WWOX: variants seen among roughly 807,000 people sequenced by gnomAD.
WWOX encodes the protein WW domain-containing oxidoreductase.
A neutral mutation model predicts 46.2 loss-of-function variants in WWOX; 69 were observed. The ratio of observed to expected loss-of-function variants is 1.49; its 90% CI spans 1.23 to 1.82. WWOX has a LOEUF of 1.82. WWOX is among the 40% of genes most tolerant of loss of function. WWOX has a pLI of 0.00. For missense variants in WWOX, 919 were observed against 542.6 expected (o/e 1.69, Z -6.89); for synonymous variants, 359 against 202.6 (o/e 1.77, Z -6.56).
At chr16:78,789,819 C>T (rs925049566) in intron 8 of WWOX, among the ~76,000 whole-genome samples, 1 of 152,128 alleles carries the variant, frequency 6.6e-6, no homozygotes, top group South Asian at 2.1e-4. Flanking sequence ...CCCCCTCCAG[C>T]TGTAGGGGAT....
At chr16:78,479,294 C>T (rs2667557) in intron 8 of WWOX, among the ~76,000 whole-genome samples, 25,228 of 152,134 alleles carry the variant, frequency 0.17, 2,188 homozygotes, top group African/African-American at 0.2. Context: ...TCAGTCAAGC[C>T]TTCCAGGATC....
chr16:78,213,597 G>A (rs762478249), intron 5 of WWOX, among the ~76,000 whole-genome samples: 3 of 151,764 alleles, frequency 2.0e-5, no homozygotes, highest in African/African-American at 7.3e-5. Context: ...GGATTTTTGT[G>A]GGGGAGAGGG....
At chr16:78,636,798 G>C (rs539499064) in intron 8 of WWOX, among the ~76,000 whole-genome samples, 1 of 152,240 alleles carries the variant, frequency 6.6e-6, no homozygotes, top group South Asian at 2.1e-4. Context: ...GAGGCAAGAG[G>C]CATTCAACCT....
intron 8 of WWOX, among the ~76,000 whole-genome samples, chr16:78,703,056 T>C (rs1046006692): frequency 1.3e-5 from 2 of 152,124 alleles, no homozygotes; most frequent in African/African-American, 4.8e-5. Flanking sequence ...CTTGTTGGGA[T>C]CAGAGAAGGC....
intron 8 of WWOX, among the ~76,000 whole-genome samples, chr16:78,746,772 T>C (rs2049357293): frequency 6.6e-6 from 1 of 152,076 alleles, no homozygotes; most frequent in African/African-American, 2.4e-5. Flanking sequence ...CCTGGAGCCA[T>C]TTTCAGCAAA....
At chr16:79,041,386 T>A (rs898426761) in intron 8 of WWOX, among the ~76,000 whole-genome samples, 2 of 152,112 alleles carry the variant, frequency 1.3e-5, no homozygotes, top group South Asian at 2.1e-4. Context: ...TTCCCTGATA[T>A]AAGGATTCCA....
At chr16:79,099,200 C>A (rs1056836445) in intron 8 of WWOX, among the ~76,000 whole-genome samples, 3 of 152,102 alleles carry the variant, frequency 2.0e-5, no homozygotes, top group African/African-American at 7.3e-5. Flanking sequence ...ATGAGGGATC[C>A]GTCCCCATGA....
chr16:78,569,395 T>A (rs959387284), intron 8 of WWOX, among the ~76,000 whole-genome samples: 15 of 152,278 alleles, frequency 9.9e-5, no homozygotes, highest in African/African-American at 3.6e-4. Flanking sequence ...GACATTCACC[T>A]GTATTATACA....
chr16:78,814,988 C>T (rs867781543), intron 8 of WWOX, among the ~76,000 whole-genome samples: 2 of 152,154 alleles, frequency 1.3e-5, no homozygotes, highest in African/African-American at 4.8e-5. Context: ...AATTTTCAGG[C>T]TTGCTCCCTG....
intron 8 of WWOX, among the ~76,000 whole-genome samples, chr16:78,647,634 C>T (rs2046874971): frequency 6.6e-6 from 1 of 152,180 alleles, no homozygotes; most frequent in African/African-American, 2.4e-5. Flanking sequence ...TTCCTGAGGG[C>T]ATACTGAGTG....
intron 8 of WWOX, among the ~76,000 whole-genome samples, chr16:79,105,653 T>A (rs534174240): frequency 6.6e-6 from 1 of 151,774 alleles, no homozygotes; most frequent in Admixed American, 6.6e-5. Context: ...ACTGTGAATG[T>A]CTTTTTGTTT....
At chr16:78,614,448 G>T (rs1597349895) in intron 8 of WWOX, among the ~76,000 whole-genome samples, 2 of 152,312 alleles carry the variant, frequency 1.3e-5, no homozygotes, top group East Asian at 3.9e-4. Flanking sequence ...CTATACTCTG[G>T]CTGGGGTGAG....
At chr16:79,075,096 C>A (rs2048630019) in intron 8 of WWOX, among the ~76,000 whole-genome samples, 1 of 152,174 alleles carries the variant, frequency 6.6e-6, no homozygotes. Context: ...GAATTCACTA[C>A]AACACTGTTT....
At chr16:78,838,759 C>G (rs950491449) in intron 8 of WWOX, among the ~76,000 whole-genome samples, 1 of 152,184 alleles carries the variant, frequency 6.6e-6, no homozygotes, top group Non-Finnish European at 1.5e-5. Context: ...AGGAGAATTG[C>G]TTGAACCCGG....
intron 8 of WWOX, among the ~76,000 whole-genome samples, chr16:78,517,221 A>G (rs971856027): frequency 5.3e-5 from 8 of 152,224 alleles, no homozygotes; most frequent in African/African-American, 1.9e-4. Context: ...ATCATCTATT[A>G]TTAAGTTACC....
intron 8 of WWOX, among the ~76,000 whole-genome samples, chr16:78,640,349 G>C (rs2046677121): frequency 6.7e-6 from 1 of 148,352 alleles, no homozygotes; most frequent in Non-Finnish European, 1.5e-5. Flanking sequence ...TGAAAATTTG[G>C]AGTGCCACTC....
At chr16:78,782,626 C>T (rs150875538) in intron 8 of WWOX, among the ~76,000 whole-genome samples, 1 of 151,984 alleles carries the variant, frequency 6.6e-6, no homozygotes, top group East Asian at 1.9e-4. Context: ...GCTCCATTAA[C>T]CTTTTACCTT....
chr16:78,845,295 G>A (rs35310715), intron 8 of WWOX, among the ~76,000 whole-genome samples: 11,892 of 151,942 alleles, frequency 0.078, 648 homozygotes, highest in Non-Finnish European at 0.12. Context: ...ACTGCATCAT[G>A]GGTGAAGACC....
intron 8 of WWOX, among the ~76,000 whole-genome samples, chr16:78,574,680 A>G (rs577923128): frequency 6.6e-6 from 1 of 152,022 alleles, no homozygotes; most frequent in African/African-American, 2.4e-5. Flanking sequence ...CATTATGTTA[A>G]GTCAAATAAG....
Sources: allele counts gnomAD v4.1 joint callset (sites outside exome capture counted in the v4.1 genomes callset), GRCh38; gene constraint gnomAD v4.1.1; transcripts MANE v1.5; gene names NCBI Gene and HGNC (gene_info 2026-07-23, HGNC 2026-07-21).